The following FHOD3 variants were observed in gnomAD, a reference collection of about 807,000 sequenced individuals.
The protein encoded by FHOD3 is formin homology 2 domain containing 3, also known as FH1/FH2 domain-containing protein 3.
In FHOD3, 90 loss-of-function variants were observed where a neutral mutation model predicts 173.0. The ratio of observed to expected loss-of-function variants is 0.52; its 90% CI spans 0.44 to 0.62. The LOEUF (loss-of-function observed/expected upper bound fraction) is 0.62. FHOD3 is among the 20% of genes least tolerant of loss of function. The pLI, the probability that FHOD3 is intolerant of heterozygous loss-of-function variation, is 0.00. For synonymous variants in FHOD3, 828 were observed against 823.0 expected (o/e 1.01, Z -0.10); for missense variants, 1,945 against 2,034.7 (o/e 0.96, Z 0.85).
intron 2 of FHOD3, among the ~76,000 whole-genome samples, chr18:36,359,875 T>C (rs1389969926): frequency 1.3e-5 from 2 of 152,236 alleles, no homozygotes; most frequent in African/African-American, 2.4e-5. Context: ...TGATACATAA[T>C]ACACACTCAA....
At chr18:36,333,003 A>G (rs925185387) in intron 1 of FHOD3, among the ~76,000 whole-genome samples, 2 of 152,184 alleles carry the variant, frequency 1.3e-5, no homozygotes, top group African/African-American at 4.8e-5. Flanking sequence ...TGCCTCATTC[A>G]TGTTTGCTAT....
intron 14 of FHOD3, among the ~76,000 whole-genome samples, chr18:36,677,383 C>T (rs1051338010): frequency 1.3e-5 from 2 of 152,030 alleles, no homozygotes; most frequent in Admixed American, 6.6e-5. Flanking sequence ...AACTCCTGAC[C>T]GCAGGTGATC....
At chr18:36,436,859 C>A (rs956461758) in intron 3 of FHOD3, among the ~76,000 whole-genome samples, 8 of 151,986 alleles carry the variant, frequency 5.3e-5, no homozygotes, top group Non-Finnish European at 1.2e-4. Context: ...TCTGAGCTTG[C>A]CAAAATTATG....
At chr18:36,585,246 A>C (rs1335250149) in intron 6 of FHOD3, among the ~76,000 whole-genome samples, 1 of 152,204 alleles carries the variant, frequency 6.6e-6, no homozygotes, top group Admixed American at 6.5e-5. Context: ...TCAACATTAT[A>C]TTCGATGAGA....
At chr18:36,617,072 C>T (rs191301965) in intron 9 of FHOD3, among the ~76,000 whole-genome samples, 5 of 152,302 alleles carry the variant, frequency 3.3e-5, no homozygotes, top group African/African-American at 1.2e-4. Flanking sequence ...CTCACAAATC[C>T]ATAATTCTGA....
intron 1 of FHOD3, among the ~76,000 whole-genome samples, chr18:36,338,480 C>T (rs1244694128): frequency 6.6e-6 from 1 of 152,198 alleles, no homozygotes; most frequent in Non-Finnish European, 1.5e-5. Flanking sequence ...GTGGGTCACA[C>T]CGAGTGTGGC....
chr18:36,743,007 G>A (rs1390428097), intron 22 of FHOD3, 151 bp downstream of exon 22: 1 of 1,256,328 alleles, frequency 8.0e-7, no homozygotes, highest in Non-Finnish European at 1.1e-6. Flanking sequence ...GAAGGAATTT[G>A]TTCTTAAGAT....
At chr18:36,551,900 C>A (rs1043429829) in intron 5 of FHOD3, among the ~76,000 whole-genome samples, 3 of 152,148 alleles carry the variant, frequency 2.0e-5, no homozygotes, top group African/African-American at 4.8e-5. Flanking sequence ...GTTACTGTAG[C>A]CTTGTAGTAT....
At chr18:36,495,905 C>T (rs1000616989) in intron 3 of FHOD3, among the ~76,000 whole-genome samples, 3 of 152,192 alleles carry the variant, frequency 2.0e-5, no homozygotes, top group Non-Finnish European at 4.4e-5. Context: ...ACTGAAAATA[C>T]CTGAATCTAC....
intron 21 of FHOD3, among the ~76,000 whole-genome samples, chr18:36,742,380 A>G (rs1443012252): frequency 6.6e-6 from 1 of 152,208 alleles, no homozygotes; most frequent in Non-Finnish European, 1.5e-5. Flanking sequence ...CTGGAAGGAC[A>G]AAAAGCAAAG....
chr18:36,625,631 A>C lies in FHOD3; in HGVS notation c.1078A>C (p.Arg360=). Reference sequence around the variant, plus strand: ...AGGCGAGCACCGGGGCCTGGACCGCAGAAGGAGCCGCAGGCACTCGGTGCA... The same window carrying C: ...AGGCGAGCACCGGGGCCTGGACCGCCGAAGGAGCCGCAGGCACTCGGTGCA... The part of the protein sequence containing the change: ...GGGEHRGLDR[R]RSRRHSVQSI... The change falls in exon 10 of 29, where the codon AGA becomes CGA. Residue 360 remains arginine (R), a synonymous_variant. Transcript: ENST00000590592. The C allele has an allele frequency of 6.2e-7, 1 of 1,606,478 alleles. No individual in the cohort carries two copies. The highest frequency in any genetic ancestry group is 8.5e-7 in the Non-Finnish European group (1 of 1,175,448).
chr18:36,402,613 G>C (rs1452465121), intron 3 of FHOD3, among the ~76,000 whole-genome samples: 1 of 151,482 alleles, frequency 6.6e-6, no homozygotes, highest in Non-Finnish European at 1.5e-5. Flanking sequence ...GTCGGGCCAG[G>C]ACTACAGTCC....
chr18:36,673,883 G>A (rs1412708411), intron 14 of FHOD3, among the ~76,000 whole-genome samples: 1 of 152,058 alleles, frequency 6.6e-6, no homozygotes, highest in African/African-American at 2.4e-5. Context: ...TGAGGGATAT[G>A]TATATCCCTC....
chr18:36,436,040 T>C (rs2050791801), intron 3 of FHOD3, among the ~76,000 whole-genome samples: 1 of 152,140 alleles, frequency 6.6e-6, no homozygotes, highest in African/African-American at 2.4e-5. Flanking sequence ...TCATCCAAAC[T>C]AAACAGTTTG....
chr18:36,658,945 AG>A (rs2036600688), intron 14 of FHOD3, among the ~76,000 whole-genome samples: 1 of 152,186 alleles, frequency 6.6e-6, no homozygotes, highest in Non-Finnish European at 1.5e-5. Context: ...TGCTGTGTGA[AG>A]CCCACCATGT....
chr18:36,691,580 A>G (rs981026689), intron 16 of FHOD3, among the ~76,000 whole-genome samples: 1 of 116,832 alleles, frequency 8.6e-6, no homozygotes, highest in South Asian at 2.6e-4. Context: ...CCACAAACAC[A>G]TTCCTTTTGT....
At chr18:36,649,648 C>G (rs1038446058) in intron 11 of FHOD3, among the ~76,000 whole-genome samples, 2 of 152,136 alleles carry the variant, frequency 1.3e-5, no homozygotes, top group African/African-American at 2.4e-5. Flanking sequence ...TGGAAAAAAT[C>G]ACTGGTTTTC....
At chr18:36,746,814 T>C (rs1378861400) in intron 23 of FHOD3, 131 bp from the exon 24 acceptor site, 1 of 616,864 alleles carries the variant, frequency 1.6e-6, no homozygotes, top group Non-Finnish European at 2.8e-6. Flanking sequence ...TTTTAGGCTG[T>C]AAATATGTTT....
chr18:36,709,044 C>A (rs767995118), intron 17 of FHOD3, 51 bp from the exon 18 acceptor site: 2 of 1,579,372 alleles, frequency 1.3e-6, no homozygotes, highest in African/African-American at 2.7e-5. Flanking sequence ...CCTCACTTCA[C>A]CCTTCCAAGA....
Sources: allele counts gnomAD v4.1 joint callset (sites outside exome capture counted in the v4.1 genomes callset), GRCh38; gene constraint gnomAD v4.1.1; transcripts MANE v1.5; gene names NCBI Gene and HGNC (gene_info 2026-07-23, HGNC 2026-07-21).